ARL3: variants seen among roughly 807,000 people sequenced by gnomAD.
The protein encoded by ARL3 is ARF like GTPase 3.
ARL3 carries 9 observed loss-of-function variants against 26.0 expected under a neutral mutation model. The ratio of observed to expected loss-of-function variants is 0.35; its 90% confidence interval spans 0.21 to 0.60. The LOEUF is 0.60. Ranked by LOEUF, ARL3 falls within the 20% of genes least tolerant of loss-of-function variation. The probability of loss-of-function intolerance (pLI) is 0.78; values close to 1 mark genes in which losing one functional copy is unlikely to be tolerated. For synonymous variants in ARL3, 71 were observed against 78.4 expected, an observed-to-expected ratio of 0.91 and a Z score of 0.50; for missense variants, 158 against 215.7, an observed-to-expected ratio of 0.73 and a Z score of 1.67.
At chr10:102,705,570 GAA>G (rs1944203676) in intron 1 of ARL3, 81 bp from the exon 2 acceptor site, 25 of 1,335,414 alleles carry the variant, frequency 1.9e-5, no homozygotes, top group Non-Finnish European at 2.4e-5. Context: ...ACTTCTCCTT[GAA>G]AAAAGTTATT....
chr10:102,687,033 C>T (rs1236785688), intron 4 of ARL3, among the ~76,000 whole-genome samples: 1 of 151,334 alleles, frequency 6.6e-6, no homozygotes, highest in East Asian at 2.0e-4. Context: ...CACCACCATG[C>T]CTCGCTAATT....
At chr10:102,713,136 G>A (rs2064356813) in intron 1 of ARL3, among the ~76,000 whole-genome samples, 1 of 139,262 alleles carries the variant, frequency 7.2e-6, no homozygotes, top group Non-Finnish European at 1.5e-5. Flanking sequence ...ATTTCTAAAA[G>A]TCAAGAAAGG....
chr10:102,705,699 G>A (rs1157468141), intron 1 of ARL3, among the ~76,000 whole-genome samples: 2 of 152,196 alleles, frequency 1.3e-5, no homozygotes, highest in African/African-American at 4.8e-5. Flanking sequence ...ATAAGTAGCA[G>A]GGCTTATTTC....
intron 3 of ARL3, among the ~76,000 whole-genome samples, chr10:102,697,771 G>A (rs1219209978): frequency 6.6e-6 from 1 of 152,172 alleles, no homozygotes; most frequent in African/African-American, 2.4e-5. Context: ...AGTAGCCAGT[G>A]AGGAGGAAAA....
intron 5 of ARL3, among the ~76,000 whole-genome samples, chr10:102,682,517 C>A (rs569127326): frequency 6.6e-6 from 1 of 152,188 alleles, no homozygotes; most frequent in African/African-American, 2.4e-5. Context: ...GGAACGGGAC[C>A]CTGAAATCCA....
In ARL3 at chr10:102,708,906, AT is replaced by A. The variant is rs1184643075; in HGVS notation, c.4-3418del. ...ATATATTATATATATATATATATAT[AT>A]ATTTTTTTTTTTTTTGAGACAAGGT... On this transcript the variant is annotated intron_variant, in intron 1 of 5. Coordinates refer to ENST00000260746, the MANE Select transcript of ARL3 (RefSeq NM_004311.4). Among the ~76,000 whole-genome samples the A allele has an allele frequency of 2.9e-4, 29 of 100,184 alleles. 1 individual carries two copies. The highest frequency in any genetic ancestry group is 9.6e-4 in the African/African-American group (25 of 26,040). 65.7% of individuals were successfully genotyped at this position (100,184 alleles called of 152,430 possible). A position where few individuals can be genotyped will look rare whatever the true frequency, so the allele number is the denominator to read the frequency against.
chr10:102,690,319 CAG>C (rs1329893245), intron 3 of ARL3, among the ~76,000 whole-genome samples: 1 of 126,110 alleles, frequency 7.9e-6, no homozygotes, highest in East Asian at 2.4e-4. Context: ...TTTTTTGAGA[CAG>C]AGTCTTGCTC....
chr10:102,686,281 A>G (rs2064185089), intron 4 of ARL3, among the ~76,000 whole-genome samples: 1 of 151,818 alleles, frequency 6.6e-6, no homozygotes, highest in Non-Finnish European at 1.5e-5. Flanking sequence ...CACGTTGGGC[A>G]GGCTGGTCTA....
At chr10:102,687,222 C>CAGAT (rs2064192644) in intron 4 of ARL3, among the ~76,000 whole-genome samples, 1 of 151,218 alleles carries the variant, frequency 6.6e-6, no homozygotes, top group African/African-American at 2.4e-5. Context: ...GATTCCGCTA[C>CAGAT]AGATGATTCA....
At chr10:102,709,960 C>A (rs189464012) in intron 1 of ARL3, among the ~76,000 whole-genome samples, 9 of 149,322 alleles carry the variant, frequency 6.0e-5, no homozygotes, top group East Asian at 2.0e-4. Context: ...CTTGAACCTG[C>A]GAGGTGGAGG....
rs145965633 is a variant in ARL3 at position 102,676,799 on chromosome 10, C to CAG, written c.*93_*94dup. The CAG allele has an allele frequency of 9.0e-6, 12 of 1,331,822 alleles. No homozygotes were observed. The highest frequency in any genetic ancestry group is 1.3e-5 in the Non-Finnish European group (12 of 936,484). 82.5% of individuals were successfully genotyped at this position (1,331,822 alleles called of 1,614,324 possible). On this transcript the variant is annotated 3_prime_UTR_variant, in exon 6 of 6. Coordinates refer to ENST00000260746, the MANE Select transcript of ARL3 (RefSeq NM_004311.4). ...CTCTTCAAACAGCTGGAGCTGTACACAGATGGAAAAACATTTGGTCAGAAA... is the reference window on the plus strand; with the variant it reads ...CTCTTCAAACAGCTGGAGCTGTACACAGAGATGGAAAAACATTTGGTCAGAAA...
chr10:102,701,698 G>C (rs1234496582), intron 2 of ARL3, among the ~76,000 whole-genome samples: 3 of 152,140 alleles, frequency 2.0e-5, no homozygotes, highest in Non-Finnish European at 4.4e-5. Context: ...TGGAATACAA[G>C]TAACAGTGAA....
chr10:102,692,072 G>A (rs1318084117), intron 3 of ARL3, among the ~76,000 whole-genome samples: 1 of 152,178 alleles, frequency 6.6e-6, no homozygotes. Context: ...GCTGTGAACC[G>A]ATTTTTGCTG....
chr10:102,708,888 ATATATAT>A (rs2064323177), intron 1 of ARL3, among the ~76,000 whole-genome samples: 4 of 105,962 alleles, frequency 3.8e-5, no homozygotes, highest in Admixed American at 3.0e-4. Flanking sequence ...ACCATATATT[ATATATAT>A]ATATATATAT....
chr10:102,691,739 TCTTGTGTCAAGC>T (rs1178129432), intron 3 of ARL3, among the ~76,000 whole-genome samples: 1 of 152,210 alleles, frequency 6.6e-6, no homozygotes, highest in Non-Finnish European at 1.5e-5. Context: ...ACCAGGCAAC[TCTTGTGTCAAGC>T]CTCAAGCCTG....
intron 1 of ARL3, among the ~76,000 whole-genome samples, chr10:102,706,306 T>C (rs918684339): frequency 2.6e-5 from 4 of 151,898 alleles, no homozygotes; most frequent in East Asian, 3.9e-4. Context: ...AAAAAATTAG[T>C]CGGGCGTGGT....
At position 102,705,468 on chromosome 10, in the gene ARL3, T is replaced by G; in HGVS notation, c.25A>C (p.Lys9Gln). ...TCCTGGTCTGGTGCACTTTTCAACT[T>G]GCGCAAAATTGAGAGCAAGCCCTTC... MGLLSILR[K>Q]LKSAPDQEVR... Residue 9 changes from lysine (K) to glutamine (Q), a missense_variant, in exon 2 of 6, where the codon AAG (lysine) becomes CAG (glutamine). Transcript: ENST00000260746. 6.3e-7 allele frequency: 1 copy of G among 1,598,994 alleles called. No individual in the cohort carries two copies. The highest frequency in any genetic ancestry group is 8.6e-7 in the Non-Finnish European group (1 of 1,167,840).
intron 1 of ARL3, among the ~76,000 whole-genome samples, chr10:102,709,286 T>C (rs1028813674): frequency 6.6e-6 from 1 of 151,364 alleles, no homozygotes; most frequent in Non-Finnish European, 1.5e-5. Flanking sequence ...CTAAAAATAC[T>C]GTTTTTTTTT....
chr10:102,685,280 C>G (rs978172519), intron 5 of ARL3, among the ~76,000 whole-genome samples: 1 of 143,264 alleles, frequency 7.0e-6, no homozygotes, highest in Non-Finnish European at 1.5e-5. Flanking sequence ...TTAGGGGGAG[C>G]CTGCTTTTCC....
Sources: gnomAD v4.1 joint callset for allele counts (sites outside exome capture counted in the v4.1 genomes callset) on GRCh38, gnomAD v4.1.1 for gene constraint, MANE v1.5 for transcripts, NCBI Gene and HGNC (gene_info 2026-07-23, HGNC 2026-07-21) for gene names.